ZZEF1: variants seen among roughly 807,000 people sequenced by gnomAD.
The protein encoded by ZZEF1 is zinc finger ZZ-type and EF-hand domain containing 1.
In ZZEF1, 157 loss-of-function variants were observed where a neutral mutation model predicts 342.8. The ratio of observed to expected loss-of-function variants is 0.46; its 90% CI spans 0.40 to 0.52. ZZEF1 has a LOEUF of 0.52. Ranked by LOEUF, ZZEF1 falls within the 20% of genes least tolerant of loss-of-function variation. The pLI is 0.00. For synonymous variants in ZZEF1, 1,505 were observed against 1,429.1 expected (o/e 1.05, Z -1.20); for missense variants, 3,480 against 3,725.6 (o/e 0.93, Z 1.72).
At chr17:4,034,524 T>C (rs1336979723) in intron 39 of ZZEF1, among the ~76,000 whole-genome samples, 1 of 152,164 alleles carries the variant, frequency 6.6e-6, no homozygotes, top group African/African-American at 2.4e-5. Flanking sequence ...CTTAAAATAC[T>C]TGGTTTCCCC....
chr17:4,028,757 T>G (rs991160899), intron 42 of ZZEF1, among the ~76,000 whole-genome samples: 2 of 152,164 alleles, frequency 1.3e-5, no homozygotes, highest in African/African-American at 4.8e-5. Flanking sequence ...TATTTTTGAT[T>G]TGAGTTTGGC....
intron 1 of ZZEF1, among the ~76,000 whole-genome samples, chr17:4,134,979 G>A (rs922918400): frequency 6.6e-6 from 1 of 152,148 alleles, no homozygotes; most frequent in Non-Finnish European, 1.5e-5. Flanking sequence ...GACCTGCCTG[G>A]TGTGGCTGGA....
intron 26 of ZZEF1, among the ~76,000 whole-genome samples, chr17:4,068,963 A>C (rs980122233): frequency 6.6e-6 from 1 of 152,228 alleles, no homozygotes; most frequent in South Asian, 2.1e-4. Context: ...ATCAATATCT[A>C]TATCACAAAG....
intron 52 of ZZEF1, among the ~76,000 whole-genome samples, chr17:4,010,615 C>T (rs2144921290): frequency 6.8e-6 from 1 of 148,052 alleles, no homozygotes; most frequent in South Asian, 2.1e-4. Flanking sequence ...ATCCCAGCTA[C>T]TAGGGAGGCT....
chr17:4,072,516 T>A, intron 25 of ZZEF1, 92 bp downstream of exon 25: 1 of 1,423,840 alleles, frequency 7.0e-7, no homozygotes, highest in East Asian at 2.5e-5. Context: ...ATACGGGTAG[T>A]AAGATAGAAA....
chr17:4,119,868 T>C (rs1597920755), intron 2 of ZZEF1, among the ~76,000 whole-genome samples: 1 of 151,812 alleles, frequency 6.6e-6, no homozygotes, highest in East Asian at 1.9e-4. Context: ...ACTAAACTCC[T>C]TGATTCTCAA....
chr17:4,075,067 T>C (rs199805769), intron 23 of ZZEF1, 30 bp downstream of exon 23: 1 of 1,604,538 alleles, frequency 6.2e-7, no homozygotes, highest in Admixed American at 1.7e-5. Context: ...GGTGCAGAAG[T>C]AGGTACCTCT....
At chr17:4,092,959 CAAA>C (rs111253238) in intron 11 of ZZEF1, among the ~76,000 whole-genome samples, 3 of 97,220 alleles carry the variant, frequency 3.1e-5, no homozygotes, top group East Asian at 2.8e-4. Flanking sequence ...AGGACATGAC[CAAA>C]AAAAAAAAAA....
chr17:4,083,967 A>C (rs1282611803), intron 16 of ZZEF1, among the ~76,000 whole-genome samples: 1 of 152,236 alleles, frequency 6.6e-6, no homozygotes, highest in African/African-American at 2.4e-5. Flanking sequence ...ACAGACAATA[A>C]AAAGTAATCT....
At chr17:4,134,340 AT>A (rs2058714510) in intron 1 of ZZEF1, among the ~76,000 whole-genome samples, 1 of 138,096 alleles carries the variant, frequency 7.2e-6, no homozygotes, top group African/African-American at 2.8e-5. Context: ...ATATATATAT[AT>A]TTATATATAT....
intron 37 of ZZEF1, among the ~76,000 whole-genome samples, chr17:4,048,001 A>C (rs561361518): frequency 6.6e-6 from 1 of 152,294 alleles, no homozygotes; most frequent in South Asian, 2.1e-4. Context: ...CCATAAAAAA[A>C]CCCTATTAAG....
At chr17:4,084,186 C>G (rs1052946326) in intron 16 of ZZEF1, among the ~76,000 whole-genome samples, 1 of 152,146 alleles carries the variant, frequency 6.6e-6, no homozygotes, top group Admixed American at 6.5e-5. Context: ...GATACATGCC[C>G]TCTACCAGAT....
chr17:4,057,470 T>A (rs927523103), intron 32 of ZZEF1, among the ~76,000 whole-genome samples: 2 of 152,126 alleles, frequency 1.3e-5, no homozygotes, highest in Non-Finnish European at 2.9e-5. Context: ...GGGAAGTGGA[T>A]TTGAGTAGAG....
intron 2 of ZZEF1, among the ~76,000 whole-genome samples, chr17:4,120,774 C>T (rs76559942): frequency 0.01 from 1,585 of 152,252 alleles, 14 homozygotes; most frequent in Non-Finnish European, 0.015. Flanking sequence ...AACGTTGTAT[C>T]TATGTTAAAA....
At chr17:4,119,955 T>C (rs1452863826) in intron 2 of ZZEF1, among the ~76,000 whole-genome samples, 1 of 152,198 alleles carries the variant, frequency 6.6e-6, no homozygotes, top group Non-Finnish European at 1.5e-5. Flanking sequence ...ACTAACAGCA[T>C]TCTCCATACT....
At chr17:4,038,672 G>T (rs924906600) in intron 39 of ZZEF1, among the ~76,000 whole-genome samples, 1 of 152,132 alleles carries the variant, frequency 6.6e-6, no homozygotes, top group African/African-American at 2.4e-5. Flanking sequence ...GGGTGTGGTG[G>T]CACATTCCTG....
chr17:4,134,614 A>G lies in ZZEF1; in HGVS notation c.354+7928T>C, dbSNP rs75042052. ...CTAAGCCCTTCACATGGATCAACTT[A>G]TATTTTCCACAACAACTCTAAAGGT... is the stretch of plus-strand genomic sequence containing the variant. On this transcript the variant is annotated intron_variant, in intron 1 of 54. Transcript: ENST00000381638. 5.3e-3 allele frequency among the ~76,000 whole-genome samples: 802 copies of G among 152,126 alleles called. 6 individuals are homozygous for G. The highest frequency in any genetic ancestry group is 0.018 in the African/African-American group (764 of 41,488).
At chr17:4,113,652 A>G (rs2058349574) in intron 4 of ZZEF1, among the ~76,000 whole-genome samples, 1 of 144,288 alleles carries the variant, frequency 6.9e-6, no homozygotes, top group Non-Finnish European at 1.5e-5. Flanking sequence ...GCGTCAGAGC[A>G]AGGCTCCATC....
intron 6 of ZZEF1, among the ~76,000 whole-genome samples, chr17:4,106,098 C>A (rs573919473): frequency 6.6e-6 from 1 of 152,094 alleles, no homozygotes; most frequent in Non-Finnish European, 1.5e-5. Context: ...TACAGGAGCC[C>A]GCCACCACGC....
Sources: gnomAD v4.1 joint callset for allele counts (sites outside exome capture counted in the v4.1 genomes callset) on GRCh38, gnomAD v4.1.1 for gene constraint, MANE v1.5 for transcripts, NCBI Gene and HGNC (gene_info 2026-07-23, HGNC 2026-07-21) for gene names.